The following OLFML1 variants were observed in gnomAD, a reference collection of about 807,000 sequenced individuals.
The protein encoded by OLFML1 is olfactomedin like 1, also known as olfactomedin-like protein 1.
In OLFML1, 33 loss-of-function variants were observed where a neutral mutation model predicts 37.3. The ratio of observed to expected loss-of-function variants is 0.88; its 90% CI spans 0.67 to 1.18. OLFML1 has a LOEUF of 1.18. OLFML1 is among the 50% of genes most tolerant of loss of function. OLFML1 has a pLI of 0.00. For missense variants in OLFML1, 545 were observed against 483.7 expected, an observed-to-expected ratio of 1.13 and a Z score of -1.19; for synonymous variants, 186 against 181.3, an observed-to-expected ratio of 1.03 and a Z score of -0.21.
chr11:7,501,190 G>GA (rs1848720420), intron 2 of OLFML1, among the ~76,000 whole-genome samples: 2 of 152,324 alleles, frequency 1.3e-5, no homozygotes, highest in East Asian at 3.9e-4. Context: ...GGAAACTGAA[G>GA]AAAGGTCTCT....
intron 2 of OLFML1, among the ~76,000 whole-genome samples, chr11:7,493,037 T>A (rs1590058525): frequency 6.6e-6 from 1 of 152,134 alleles, no homozygotes; most frequent in Non-Finnish European, 1.5e-5. Flanking sequence ...TGGATACGAG[T>A]ATTAACTTCT....
intron 2 of OLFML1, among the ~76,000 whole-genome samples, chr11:7,502,117 G>A (rs1369383804): frequency 6.6e-6 from 1 of 152,220 alleles, no homozygotes; most frequent in African/African-American, 2.4e-5. Context: ...GAGACTTGAA[G>A]GCTAAATAGG....
At chr11:7,496,059 G>A (rs1235639100) in intron 2 of OLFML1, among the ~76,000 whole-genome samples, 1 of 152,186 alleles carries the variant, frequency 6.6e-6, no homozygotes, top group Admixed American at 6.5e-5. Flanking sequence ...GGGTCCATAG[G>A]GTGGCTGGGT....
At position 7,509,954 on chromosome 11, in the gene OLFML1, G is replaced by A. The variant is rs746595041; in HGVS notation, c.975G>A (p.Gly325=). 1.9e-6 allele frequency: 3 copies of A among 1,614,222 alleles called. No homozygotes were observed. The Admixed American group carries it at 5.0e-5, about 27-fold the overall frequency. ...CTGAAGCCTCATTCCTCTTGTGTGG[G>A]GTTCTCTATGTGGTCTACAGTACTG... ...QDAEASFLLC[G]VLYVVYSTGG... is the part of the protein sequence containing the mutation. Residue 325 remains glycine, a synonymous_variant, in exon 3 of 3, where the codon GGG becomes GGA. Coordinates refer to ENST00000329293, the MANE Select transcript of OLFML1 (RefSeq NM_198474.4).
chr11:7,504,858 T>G (rs752370090), intron 2 of OLFML1: 2 of 152,300 alleles, frequency 1.3e-5, no homozygotes, highest in African/African-American at 4.8e-5. Context: ...CTGACTCCAG[T>G]TGACCTTCAG....
At position 7,510,220 on chromosome 11, in the gene OLFML1, C is replaced by T. The variant is rs755437171; in HGVS notation, c.*32C>T. On this transcript the variant is annotated 3_prime_UTR_variant, in exon 3 of 3. Transcript: ENST00000329293. The stretch of plus-strand genomic sequence containing the variant: ...ACAGCTGTGAGAAAGAGCACTGTGG[C>T]TTTGGCAGCTGTTCTACAGGACAGT... 1.3e-6 allele frequency: 2 copies of T among 1,551,984 alleles called. No individual in the cohort carries two copies. The highest frequency in any genetic ancestry group is 1.7e-6 in the Non-Finnish European group (2 of 1,149,714).
intron 2 of OLFML1, among the ~76,000 whole-genome samples, chr11:7,498,895 T>C (rs1227955255): frequency 6.6e-6 from 1 of 152,216 alleles, no homozygotes; most frequent in African/African-American, 2.4e-5. Flanking sequence ...TAGCTGCTTA[T>C]ATCCATCACT....
intron 2 of OLFML1, among the ~76,000 whole-genome samples, chr11:7,498,310 G>T (rs932483204): frequency 6.6e-6 from 1 of 152,212 alleles, no homozygotes; most frequent in African/African-American, 2.4e-5. Context: ...TGTATCCCGA[G>T]TTAGCAAAGG....
intron 2 of OLFML1, among the ~76,000 whole-genome samples, chr11:7,497,910 AATTTTATACAGTTCCTGTT>A (rs1289280339): frequency 6.6e-6 from 1 of 152,154 alleles, no homozygotes; most frequent in Non-Finnish European, 1.5e-5. Context: ...TGGCTCACTG[AATTTTATACAGTTCCTGTT>A]TTCCTGCTAC....
chr11:7,490,136 G>T (rs547040692), intron 2 of OLFML1, among the ~76,000 whole-genome samples: 6 of 134,422 alleles, frequency 4.5e-5, no homozygotes, highest in East Asian at 2.6e-4. Context: ...CTTTGGTGGG[G>T]GGGGGGGCGG....
Position 7,510,300 on chromosome 11 carries a change from G to T in OLFML1, c.*112G>T. The T allele has an allele frequency of 2.3e-6, 2 of 857,002 alleles. No individual in the cohort carries two copies. The highest frequency in any genetic ancestry group is 3.5e-6 in the Non-Finnish European group (2 of 571,628). The allele number at this position is 857,002 out of a possible 1,614,324, so 53.1% of individuals were successfully genotyped here. ...CCCTCTAATCACACACAGGAAGAGT[G>T]TGTAGAAGTGGAAATACGTATGCCT... On this transcript the variant is annotated 3_prime_UTR_variant, in exon 3 of 3. Coordinates refer to ENST00000329293, the MANE Select transcript of OLFML1 (RefSeq NM_198474.4).
chr11:7,495,527 G>C (rs1369872743), intron 2 of OLFML1, among the ~76,000 whole-genome samples: 1 of 152,084 alleles, frequency 6.6e-6, no homozygotes, highest in Non-Finnish European at 1.5e-5. Flanking sequence ...CAGCAACTTT[G>C]AGTATCCCTC....
At chr11:7,508,715 C>T (rs764275459) in intron 2 of OLFML1, among the ~76,000 whole-genome samples, 3 of 152,176 alleles carry the variant, frequency 2.0e-5, no homozygotes, top group Admixed American at 1.3e-4. Flanking sequence ...GCTCTTATAA[C>T]GTTGCAGTCG....
At chr11:7,506,737 G>A (rs1236839252) in intron 2 of OLFML1, among the ~76,000 whole-genome samples, 2 of 152,192 alleles carry the variant, frequency 1.3e-5, no homozygotes, top group African/African-American at 4.8e-5. Flanking sequence ...GGTGGATATG[G>A]TGGCATAACT....
chr11:7,489,041 C>G (rs1417039443), intron 2 of OLFML1: 4 of 152,218 alleles, frequency 2.6e-5, no homozygotes, highest in Non-Finnish European at 5.9e-5. Flanking sequence ...GTGCCCGAGT[C>G]TATTTCATTA....
At chr11:7,489,806 G>A (rs368061824) in intron 2 of OLFML1, among the ~76,000 whole-genome samples, 18 of 152,140 alleles carry the variant, frequency 1.2e-4, no homozygotes, top group Admixed American at 2.6e-4. Flanking sequence ...TTAGGTCATC[G>A]AATGGTTGGT....
At chr11:7,493,384 A>G (rs978724484) in intron 2 of OLFML1, among the ~76,000 whole-genome samples, 3 of 152,194 alleles carry the variant, frequency 2.0e-5, no homozygotes, top group African/African-American at 7.2e-5. Flanking sequence ...CTGTTTGCCA[A>G]CTCTCAAGGT....
rs574481218 is a variant in OLFML1 at position 7,485,944 on chromosome 11, G to T, written c.69G>T (p.Pro23=). 4 of 1,613,814 alleles carry T rather than the reference G, an allele frequency of 2.5e-6. No individual in the cohort carries two copies. Among genetic ancestry groups the T allele is most frequent in the Admixed American group, 1.7e-5 (1 of 59,988 alleles). The change falls in exon 1 of 3, where the codon CCG becomes CCT. Residue 23 remains proline, a synonymous_variant. Transcript: ENST00000329293. Reference sequence around the variant, plus strand: ...TCCTTGCAGCTTTTCTGCCCCCGCCGCAGTGTACCCAGGACCCAGCCATGG... The same window carrying T: ...TCCTTGCAGCTTTTCTGCCCCCGCCTCAGTGTACCCAGGACCCAGCCATGG... The part of the protein sequence containing the change: ...VLFLAAFLPP[P]QCTQDPAMVH...
chr11:7,486,668 A>G (rs935688632), intron 1 of OLFML1, among the ~76,000 whole-genome samples: 2 of 152,226 alleles, frequency 1.3e-5, no homozygotes, highest in Non-Finnish European at 2.9e-5. Context: ...GGACAAATGT[A>G]ACCCTCCACC....
Sources: gnomAD v4.1 joint callset for allele counts (sites outside exome capture counted in the v4.1 genomes callset) on GRCh38, gnomAD v4.1.1 for gene constraint, MANE v1.5 for transcripts, NCBI Gene and HGNC (gene_info 2026-07-23, HGNC 2026-07-21) for gene names.